The following TMEM67 variants were observed in gnomAD, a reference collection of about 807,000 sequenced individuals.
The protein encoded by TMEM67 is transmembrane protein 67, also known as meckelin.
TMEM67 carries 124 observed loss-of-function variants against 136.6 expected under a neutral mutation model. That is an observed-to-expected ratio of 0.91 (90% confidence interval 0.78 to 1.05). The LOEUF (loss-of-function observed/expected upper bound fraction) is 1.05. Among genes scored for constraint, TMEM67 ranks in the 50% least tolerant of loss-of-function variants. The probability of loss-of-function intolerance (pLI) is 0.00; values close to 1 mark genes in which losing one functional copy is unlikely to be tolerated. For missense variants in TMEM67, 1,107 were observed against 1,178.4 expected (o/e 0.94, Z 0.89); for synonymous variants, 364 against 390.5 (o/e 0.93, Z 0.80).
rs903533485 is a variant in TMEM67, at chr8:93,809,841, TG to T, written c.2720del (p.Gly907GlufsTer53). The stretch of plus-strand genomic sequence containing the variant: ...ATAAGTTGCTTCTTGAAAGAATTCT[TG>T]GAATGGAATTCATGGAACCAATGGA... ...KDKLLLERIL[G>X]MEFMEPMEKS... On this transcript the variant is annotated frameshift_variant, in exon 26 of 28. Transcript: ENST00000453321. LOFTEE classifies it high-confidence loss of function. The T allele has an allele frequency of 6.2e-7, 1 of 1,609,088 alleles. No individual in the cohort carries two copies. Among genetic ancestry groups the T allele is most frequent in the Non-Finnish European group, 8.5e-7 (1 of 1,175,912 alleles).
At chr8:93,771,853 T>C (rs890370507) in intron 6 of TMEM67, among the ~76,000 whole-genome samples, 1 of 152,220 alleles carries the variant, frequency 6.6e-6, no homozygotes, top group African/African-American at 2.4e-5. Flanking sequence ...TATACACAAA[T>C]AGTACCTCAT....
intron 22 of TMEM67, among the ~76,000 whole-genome samples, chr8:93,804,310 CTTT>C (rs1182297223): frequency 1.5e-4 from 14 of 93,798 alleles, no homozygotes; most frequent in African/African-American, 4.1e-4. Flanking sequence ...CTTTTCTTTT[CTTT>C]TTTTTTTTTT....
At chr8:93,803,714 T>G in intron 22 of TMEM67, 30 bp downstream of exon 22, 1 of 1,237,006 alleles carries the variant, frequency 8.1e-7, no homozygotes, top group Non-Finnish European at 1.2e-6. Flanking sequence ...ATCTTGCAAC[T>G]GTTACTTTCC....
At position 93,765,630 on chromosome 8, in the gene TMEM67, C is replaced by G. The variant is rs774793392; in HGVS notation, c.635C>G (p.Ala212Gly). Residue 212 changes from alanine (A) to glycine (G), a missense_variant, in exon 6 of 28, where the codon GCA becomes GGA. Around this residue, in one of 3 missense-constraint regions of TMEM67, gnomAD observed 925 missense variants for 1,002.4 expected, o/e 0.92. Transcript: ENST00000453321. ...TTTCCTCTACGTAGAATTTCAGCTGCACGTTATGGAGAAGTTGTGAGTATG... is the reference window on the plus strand; with the variant it reads ...TTTCCTCTACGTAGAATTTCAGCTGGACGTTATGGAGAAGTTGTGAGTATG... The part of the protein sequence containing the change: ...GNFPLRRISA[A>G]RYGEVGMSLT... 6.2e-7 allele frequency: 1 copy of G among 1,611,526 alleles called. No individual in the cohort carries two copies. The highest frequency in any genetic ancestry group is 8.5e-7 in the Non-Finnish European group (1 of 1,177,642).
intron 6 of TMEM67, among the ~76,000 whole-genome samples, chr8:93,768,533 C>G (rs930010506): frequency 2.6e-5 from 4 of 152,058 alleles, no homozygotes; most frequent in African/African-American, 9.7e-5. Flanking sequence ...TCACTCGAAC[C>G]TGGTAGGTGG....
At chr8:93,787,759 T>C (rs1290200075) in intron 13 of TMEM67, 85 bp from the exon 14 acceptor site, 3 of 1,079,818 alleles carry the variant, frequency 2.8e-6, no homozygotes, top group Non-Finnish European at 1.4e-6. Flanking sequence ...ACAATTCATA[T>C]TAAATTCAAA....
At chr8:93,785,183 G>A (rs745588250) in intron 11 of TMEM67, 39 bp from the exon 12 acceptor site, 4 of 1,178,766 alleles carry the variant, frequency 3.4e-6, no homozygotes, top group Non-Finnish European at 5.0e-6. Context: ...ACTTTAAGTT[G>A]CTGTTTTATG....
At chr8:93,758,652 T>A in intron 3 of TMEM67, 76 bp downstream of exon 3, 1 of 1,182,062 alleles carries the variant, frequency 8.5e-7, no homozygotes, top group Non-Finnish European at 1.3e-6. Flanking sequence ...AAAAGGGCAC[T>A]AATTTAAATA....
chr8:93,803,175 T>C (rs1288529110), intron 21 of TMEM67, among the ~76,000 whole-genome samples: 1 of 152,200 alleles, frequency 6.6e-6, no homozygotes, highest in African/African-American at 2.4e-5. Context: ...ATACTAGATA[T>C]ATGCTTTTTA....
chr8:93,827,541 G>T, the TMEM67 span, among the ~76,000 whole-genome samples: 2 of 151,694 alleles, frequency 1.3e-5, no homozygotes, highest in African/African-American at 4.8e-5. Flanking sequence ...GGGACTACAG[G>T]CATGTGCCAC....
In TMEM67 at chr8:93,780,610, A is replaced by G. The variant is rs761181675; in HGVS notation, c.732A>G (p.Thr244=). Residue 244 remains threonine (T), a synonymous_variant, in exon 8 of 28, where the codon ACA becomes ACG. Coordinates refer to ENST00000453321, the MANE Select transcript of TMEM67 (RefSeq NM_153704.6). ...AAACWVYANL[T]SCQALGNMCV... Reference sequence around the variant, plus strand: ...TGTTGTAGGTATATGCCAATCTAACATCTTGTCAAGCTCTTGGAAATATGT... The same window carrying G: ...TGTTGTAGGTATATGCCAATCTAACGTCTTGTCAAGCTCTTGGAAATATGT... 1.8e-5 allele frequency: 29 copies of G among 1,614,012 alleles called. No individual in the cohort carries two copies.
chr8:93,773,348 G>A (rs1304268936), intron 7 of TMEM67, among the ~76,000 whole-genome samples: 4 of 152,148 alleles, frequency 2.6e-5, no homozygotes, highest in African/African-American at 7.2e-5. Flanking sequence ...AGGCCCTGGA[G>A]CTTATTTTAA....
intron 27 of TMEM67, 92 bp from the exon 28 acceptor site, chr8:93,816,280 G>A (rs190874206): frequency 1.7e-5 from 10 of 594,946 alleles, no homozygotes; most frequent in African/African-American, 1.1e-4. Context: ...ATAGTTGAGA[G>A]AATTAGCTAA....
At chr8:93,810,734 A>G (rs1808669941) in intron 26 of TMEM67, among the ~76,000 whole-genome samples, 4 of 152,234 alleles carry the variant, frequency 2.6e-5, no homozygotes, top group Admixed American at 2.6e-4. Flanking sequence ...GAATTTCAGA[A>G]TCAACAGTCC....
At chr8:93,826,225 G>A in the TMEM67 span, among the ~76,000 whole-genome samples, 1 of 142,728 alleles carries the variant, frequency 7.0e-6, no homozygotes, top group Admixed American at 7.7e-5. Context: ...CGCCTCCCAG[G>A]TTCACGCCAT....
chr8:93,780,000 C>T (rs1053538800), intron 7 of TMEM67, among the ~76,000 whole-genome samples: 5 of 152,194 alleles, frequency 3.3e-5, no homozygotes, highest in African/African-American at 1.2e-4. Context: ...ACAGAGGCAG[C>T]AGGCCTTGCT....
chr8:93,794,080 C>T (rs541719675), intron 16 of TMEM67, among the ~76,000 whole-genome samples: 99 of 151,992 alleles, frequency 6.5e-4, no homozygotes, highest in African/African-American at 2.2e-3. Flanking sequence ...TTAGTAGAGA[C>T]GGGGTTTCAC....
chr8:93,765,091 A>G (rs145828459), intron 4 of TMEM67, among the ~76,000 whole-genome samples: 3 of 152,300 alleles, frequency 2.0e-5, no homozygotes, highest in African/African-American at 7.2e-5. Context: ...ATTGGGTTTC[A>G]TTTATATGAG....
chr8:93,791,980 G>A (rs920185009), intron 15 of TMEM67: 1 of 157,718 alleles, frequency 6.3e-6, no homozygotes, highest in Non-Finnish European at 1.4e-5. Flanking sequence ...TCCTGTCTCA[G>A]CCTCCTGAAT....
Sources: gnomAD v4.1 joint callset for allele counts (sites outside exome capture counted in the v4.1 genomes callset) on GRCh38, gnomAD v4.1.1 for gene constraint, gnomAD v4.1.1 regional missense constraint, MANE v1.5 for transcripts, NCBI Gene and HGNC (gene_info 2026-07-23, HGNC 2026-07-21) for gene names.